FNBP4: variants seen among roughly 807,000 people sequenced by gnomAD.
FNBP4 encodes the protein formin-binding protein 4.
FNBP4 carries 34 observed loss-of-function variants against 119.3 expected under a neutral mutation model. The observed-to-expected ratio is 0.28, with a 90% CI of 0.22 to 0.38. The LOEUF is 0.38. FNBP4 is among the 10% of genes least tolerant of loss of function. FNBP4 has a pLI of 1.00. For synonymous variants in FNBP4, 462 were observed against 430.6 expected (o/e 1.07, Z -0.90); for missense variants, 1,112 against 1,228.9 (o/e 0.90, Z 1.42).
Position 47,744,283 on chromosome 11 carries a change from T to C in FNBP4, c.1246-120A>G, listed in dbSNP as rs1170734705. 1.1e-5 allele frequency: 10 copies of C among 940,888 alleles called. 1 individual carries two copies. The highest frequency in any genetic ancestry group is 2.7e-4 in the Middle Eastern group (1 of 3,638). The allele number at this position is 940,888 out of a possible 1,614,324, so 58.3% of individuals were successfully genotyped here. A position where few individuals can be genotyped will look rare whatever the true frequency, so the allele number is the denominator to read the frequency against. ...TTCTTTGAGAACAGAAAGCACTTTTTTTTTTTTGGAGACAGGCTCTCCCTC... is the reference window on the plus strand; with the variant it reads ...TTCTTTGAGAACAGAAAGCACTTTTCTTTTTTTGGAGACAGGCTCTCCCTC... On this transcript the variant is annotated intron_variant, in intron 7 of 16. Transcript: ENST00000263773.
At chr11:47,758,941 TAG>T (rs2097626554) in intron 2 of FNBP4, among the ~76,000 whole-genome samples, 1 of 149,044 alleles carries the variant, frequency 6.7e-6, no homozygotes, top group Admixed American at 6.7e-5. Flanking sequence ...TTTTTTGAGA[TAG>T]AGTCTCACAC....
rs911999195 is a variant in FNBP4 at position 47,732,192 on chromosome 11, TA to T, written c.1820+344del. On this transcript the variant is annotated intron_variant, in intron 11 of 16. Coordinates refer to ENST00000263773, the MANE Select transcript of FNBP4 (RefSeq NM_015308.5). This position sits in a 1 kb window ranked among gnomAD's most constrained non-coding sequence, Gnocchi z 4.2. Reference sequence around the variant, plus strand: ...AAGTTTTCCTTAACTTCACCGAGGTTAATCAGGAGTAGTTGCTTCCAGAGGT... The same window carrying T: ...AAGTTTTCCTTAACTTCACCGAGGTTATCAGGAGTAGTTGCTTCCAGAGGT... The T allele has an allele frequency of 9.6e-6, 10 of 1,043,086 alleles. No homozygotes were observed. The highest frequency in any genetic ancestry group is 1.2e-5 in the Non-Finnish European group (10 of 867,748). 64.6% of individuals were successfully genotyped at this position (1,043,086 alleles called of 1,614,324 possible). A position where few individuals can be genotyped will look rare whatever the true frequency, so the allele number is the denominator to read the frequency against.
chr11:47,752,611 C>A (rs769327876), intron 4 of FNBP4: 18 of 206,588 alleles, frequency 8.7e-5, no homozygotes, highest in Non-Finnish European at 1.3e-4. Flanking sequence ...GAGTTCGAGA[C>A]CAGCCTTGGG....
chr11:47,767,010 G>C, intron 1 of FNBP4, 59 bp downstream of exon 1: 2 of 1,491,348 alleles, frequency 1.3e-6, no homozygotes, highest in East Asian at 2.8e-5. Context: ...GCCAGGCGCC[G>C]TGAGGAGCCT....
chr11:47,746,384 T>C lies in FNBP4; in HGVS notation c.917A>G (p.Glu306Gly), dbSNP rs957660449. Residue 306 changes from glutamate (E) to glycine (G), a missense_variant, in exon 7 of 17, where the codon GAA (glutamate) becomes GGA (glycine). Coordinates refer to ENST00000263773, the MANE Select transcript of FNBP4 (RefSeq NM_015308.5). ...ACTATTTGAGAGAGCCTGAATTCCT[T>C]CATTTACTTCCTATAAAGAACAAAA... ...AKREVKKEVNEGIQALSNSEE... is the reference protein window; with the variant it reads ...AKREVKKEVNGGIQALSNSEE... The C allele has an allele frequency of 6.3e-7, 1 of 1,592,624 alleles. No individual in the cohort carries two copies. The highest frequency in any genetic ancestry group is 1.4e-5 in the African/African-American group (1 of 73,366).
chr11:47,745,707 G>A (rs969425539), intron 7 of FNBP4, among the ~76,000 whole-genome samples: 1 of 152,064 alleles, frequency 6.6e-6, no homozygotes, highest in African/African-American at 2.4e-5. Context: ...TGAGGCTCGG[G>A]TGGGCATCAT....
In FNBP4 at chr11:47,732,244, A is replaced by G; in HGVS notation, c.1820+293T>C. 8.4e-7 allele frequency: 1 copy of G among 1,196,364 alleles called. No individual in the cohort carries two copies. The highest frequency in any genetic ancestry group is 4.3e-5 in the East Asian group (1 of 23,000). 74.1% of individuals were successfully genotyped at this position (1,196,364 alleles called of 1,614,324 possible). Reference sequence around the variant, plus strand: ...CCTGTAAAGCGCACAGAGCTCTCGCATGCGCTTAACCCCCAAGCCCGCCCT... The same window carrying G: ...CCTGTAAAGCGCACAGAGCTCTCGCGTGCGCTTAACCCCCAAGCCCGCCCT... On this transcript the variant is annotated intron_variant, in intron 11 of 16. Transcript: ENST00000263773. This position sits in a 1 kb window ranked among gnomAD's most constrained non-coding sequence, Gnocchi z 4.2.
Position 47,731,580 on chromosome 11 carries a change from A to AAC in FNBP4, c.1821-21_1821-20dup. On this transcript the variant is annotated intron_variant, in intron 11 of 16. Transcript: ENST00000263773. ...ATGATCCCTAAATTACAAGAAAGAA[A>AAC]ACACATGTTTTAAAACCCGTTCTCC... is the stretch of plus-strand genomic sequence containing the variant. 4.4e-6 allele frequency: 7 copies of AAC among 1,592,098 alleles called. No homozygotes were observed. The highest frequency in any genetic ancestry group is 6.0e-6 in the Non-Finnish European group (7 of 1,172,526).
intron 7 of FNBP4, 107 bp downstream of exon 7, chr11:47,745,949 G>T: frequency 1.0e-6 from 1 of 981,172 alleles, no homozygotes; most frequent in South Asian, 1.7e-5. Flanking sequence ...CCTAGATGAT[G>T]GGATAAGAAA....
intron 2 of FNBP4, among the ~76,000 whole-genome samples, chr11:47,755,540 C>T (rs753250803): frequency 6.6e-6 from 1 of 151,078 alleles, no homozygotes; most frequent in Non-Finnish European, 1.5e-5. Flanking sequence ...CCAACTTCTT[C>T]GGGAGGATCT....
At chr11:47,743,563 A>AT (rs2097585279) in intron 8 of FNBP4, among the ~76,000 whole-genome samples, 1 of 152,182 alleles carries the variant, frequency 6.6e-6, no homozygotes, top group Non-Finnish European at 1.5e-5. Flanking sequence ...CTGAAAATAG[A>AT]TTAAAAAATG....
At position 47,722,312 on chromosome 11, in the gene FNBP4, G is replaced by A. The variant is rs1054664310; in HGVS notation, c.2805+664C>T. 2.0e-5 allele frequency among the ~76,000 whole-genome samples: 3 copies of A among 151,136 alleles called. 1 individual carries two copies. The South Asian group carries it at 6.3e-4, about 32-fold the overall frequency. On this transcript the variant is annotated intron_variant, in intron 15 of 16. Coordinates refer to ENST00000263773, the MANE Select transcript of FNBP4 (RefSeq NM_015308.5). ...CACCCAGGCTGGAATGCAGTGGTGC[G>A]ATCTCAGCTCACTGCAACCTCAGCC...
chr11:47,729,862 G>T, intron 12 of FNBP4: 1 of 985,334 alleles, frequency 1.0e-6, no homozygotes, highest in Non-Finnish European at 1.2e-6. Flanking sequence ...ATTTTACTTC[G>T]ATCAAGTTTA....
intron 3 of FNBP4, among the ~76,000 whole-genome samples, chr11:47,753,686 C>T (rs1273614547): frequency 1.3e-5 from 2 of 152,056 alleles, no homozygotes; most frequent in African/African-American, 4.8e-5. Context: ...ATCCCAGCTA[C>T]TCAAGAGGCT....
intron 10 of FNBP4, among the ~76,000 whole-genome samples, chr11:47,733,065 C>T (rs1377051648): frequency 6.6e-6 from 1 of 152,148 alleles, no homozygotes; most frequent in Non-Finnish European, 1.5e-5. Flanking sequence ...TTGTGGTGAG[C>T]CGAGATCATG....
intron 6 of FNBP4, among the ~76,000 whole-genome samples, chr11:47,749,690 C>T (rs1306211256): frequency 6.6e-6 from 1 of 152,168 alleles, no homozygotes; most frequent in African/African-American, 2.4e-5. Flanking sequence ...TAGAAATGCT[C>T]AGGTTTCACT....
At chr11:47,749,193 C>T (rs2097596783) in intron 6 of FNBP4, among the ~76,000 whole-genome samples, 8 of 152,078 alleles carry the variant, frequency 5.3e-5, no homozygotes, top group Admixed American at 5.2e-4. Context: ...ACTGCTTGAG[C>T]TCAGGAGAGT....
At chr11:47,730,570 G>A (rs933547192) in intron 12 of FNBP4, among the ~76,000 whole-genome samples, 8 of 152,156 alleles carry the variant, frequency 5.3e-5, no homozygotes, top group Non-Finnish European at 1.0e-4. Flanking sequence ...CTCTGTTATT[G>A]ACAAATTTCA....
At chr11:47,724,909 A>G in intron 12 of FNBP4, 131 bp from the exon 13 acceptor site, 1 of 1,312,300 alleles carries the variant, frequency 7.6e-7, no homozygotes. Context: ...ACAATACAGA[A>G]TGTGGTGTCA....
Sources: gnomAD v4.1 joint callset for allele counts (sites outside exome capture counted in the v4.1 genomes callset) on GRCh38, gnomAD v4.1.1 for gene constraint, Gnocchi (gnomAD v3.1) non-coding constraint, MANE v1.5 for transcripts, NCBI Gene and HGNC (gene_info 2026-07-23, HGNC 2026-07-21) for gene names.